Variants in STAB2 observed in about 807,000 individuals in gnomAD.
The protein encoded by STAB2 is stabilin-2.
A neutral mutation model predicts 338.1 loss-of-function variants in STAB2; 288 were observed. The ratio of observed to expected loss-of-function variants is 0.85; its 90% CI spans 0.77 to 0.94. The LOEUF is 0.94. STAB2 is among the 40% of genes least tolerant of loss of function. STAB2 has a pLI of 0.00. For synonymous variants in STAB2, 1,202 were observed against 1,193.3 expected (o/e 1.01, Z -0.15); for missense variants, 3,141 against 3,210.1 (o/e 0.98, Z 0.52).
At chr12:103,740,541 C>A (rs1467461149) in intron 54 of STAB2, 89 bp from the exon 55 acceptor site, 10 of 1,520,054 alleles carry the variant, frequency 6.6e-6, no homozygotes, top group Non-Finnish European at 8.7e-6. Context: ...TGGGCAGTAC[C>A]TAAGACCTCC....
intron 59 of STAB2, 58 bp downstream of exon 59, chr12:103,749,214 T>C: frequency 6.6e-7 from 1 of 1,516,486 alleles, no homozygotes; most frequent in Non-Finnish European, 8.9e-7. Context: ...CGCTCCTCCT[T>C]GCCTTTCCAC....
rs113828146 is a variant in STAB2, at chr12:103,711,740, G to A, written c.4334+224G>A. Among the ~76,000 whole-genome samples, 236 of 152,280 alleles carry A rather than the reference G, an allele frequency of 1.5e-3. 1 individual carries two copies. Among genetic ancestry groups the A allele is most frequent in the African/African-American group, 4.9e-3 (204 of 41,542 alleles). ...CATCTGACTTACCTGGCACATTGACGAAAATGCCCACTGTTACCCCAGTCC... is the reference window on the plus strand; with the variant it reads ...CATCTGACTTACCTGGCACATTGACAAAAATGCCCACTGTTACCCCAGTCC... On this transcript the variant is annotated intron_variant, in intron 40 of 68. Transcript: ENST00000388887.
intron 5 of STAB2, 103 bp from the exon 6 acceptor site, chr12:103,631,495 A>G (rs1186865987): frequency 1.7e-6 from 2 of 1,155,920 alleles, no homozygotes; most frequent in East Asian, 4.7e-5. Flanking sequence ...AGTTCAAACA[A>G]CATGCAGAGT....
chr12:103,743,025 T>TTG (rs1250606532), intron 56 of STAB2, among the ~76,000 whole-genome samples: 1 of 147,942 alleles, frequency 6.8e-6, no homozygotes, highest in South Asian at 2.1e-4. Flanking sequence ...TTTTTTTTCT[T>TTG]TTTTTTTTTT....
Position 103,622,083 on chromosome 12 carries a change from C to A in STAB2, c.459C>A (p.Asp153Glu). 1 of 1,614,216 alleles carries A rather than the reference C, an allele frequency of 6.2e-7. No individual in the cohort carries two copies. The highest frequency in any genetic ancestry group is 8.5e-7 in the Non-Finnish European group (1 of 1,180,042). The change falls in exon 5 of 69, where the codon GAC becomes GAA. Residue 153 changes from aspartate to glutamate, a missense_variant. Asp to Glu is a conservative substitution (Grantham distance 45, BLOSUM62 2). Coordinates refer to ENST00000388887, the MANE Select transcript of STAB2 (RefSeq NM_017564.10). ...CAGCCTGTGAAACCTGTGCTGACGA[C>A]AACTTATTTGGACCCAGCTGTTCAT... ...GGTACETCAD[D>E]NLFGPSCSSV...
rs554299340 is a variant in STAB2 at position 103,666,491 on chromosome 12, A to G, written c.2085+138A>G. 1.7e-4 allele frequency: 139 copies of G among 831,740 alleles called. 2 individuals are homozygous for G. In the Middle Eastern group the frequency reaches 2.5e-3, roughly 15 times the overall value. 51.5% of individuals were successfully genotyped at this position (831,740 alleles called of 1,614,324 possible). A position where few individuals can be genotyped will look rare whatever the true frequency, so the allele number is the denominator to read the frequency against. On this transcript the variant is annotated intron_variant, in intron 19 of 68. Transcript: ENST00000388887. ...ATAAGATGGGCTCGTAGCCTACTAT[A>G]TGGGGGATGGTAGAAAGCGATCCCA...
At chr12:103,709,083 G>A (rs1348489567) in intron 39 of STAB2, among the ~76,000 whole-genome samples, 3 of 152,132 alleles carry the variant, frequency 2.0e-5, no homozygotes, top group African/African-American at 7.2e-5. Context: ...GTTGTCCTCC[G>A]GAGGAAATAG....
Position 103,705,638 on chromosome 12 carries a change from G to A in STAB2, c.3907G>A (p.Glu1303Lys), listed in dbSNP as rs771017400. Residue 1303 changes from glutamate to lysine, a missense_variant, in exon 37 of 69, where the codon GAG (glutamate) becomes AAG (lysine). Glu to Lys is a moderately conservative substitution (Grantham distance 56, BLOSUM62 1). Transcript: ENST00000388887. ...AGTCATTAATATTTCACAGGGTAAT[G>A]AGAAGAGGAGATGCATCTATACCTC... ...CPFGTKSLGN[E>K]KRRCIYTSYF... is the part of the protein sequence containing the mutation. 1 of 1,614,078 alleles carries A rather than the reference G, an allele frequency of 6.2e-7. No homozygotes were observed. Among genetic ancestry groups the A allele is most frequent in the Admixed American group, 1.7e-5 (1 of 60,026 alleles).
chr12:103,692,888 A>G lies in STAB2; in HGVS notation c.3374A>G (p.Lys1125Arg). The change falls in exon 31 of 69, where the codon AAG becomes AGG. Residue 1125 changes from lysine to arginine, a missense_variant and splice_region_variant. By Grantham distance (26) the Lys-to-Arg change is conservative. Coordinates refer to ENST00000388887, the MANE Select transcript of STAB2 (RefSeq NM_017564.10). ...ATNGVIHIIN[K>R]VLVPQRRLTG... is the part of the protein sequence containing the mutation. The stretch of plus-strand genomic sequence containing the variant: ...AATGGAGTGATACACATCATCAACA[A>G]GGTACAAGATTCCATTCTCCTGTGC... 1 of 1,612,532 alleles carries G rather than the reference A, an allele frequency of 6.2e-7. No homozygotes were observed.
At position 103,737,084 on chromosome 12, in the gene STAB2, C is replaced by A. The variant is rs11111740; in HGVS notation, c.5551-550C>A. On this transcript the variant is annotated intron_variant, in intron 52 of 68. Coordinates refer to ENST00000388887, the MANE Select transcript of STAB2 (RefSeq NM_017564.10). ...AAAGAAAGCCAAACCGGGCACTTTG[C>A]TAGGTGCTGGCACTAAATAAGGAGA... Among the ~76,000 whole-genome samples, 1,154 of 152,310 alleles carry A rather than the reference C, an allele frequency of 7.6e-3. 16 individuals carry two copies. The highest frequency in any genetic ancestry group is 0.026 in the African/African-American group (1,083 of 41,554).
Position 103,652,600 on chromosome 12 carries a change from G to A in STAB2, c.1302G>A (p.Val434=). 6.2e-7 allele frequency: 1 copy of A among 1,608,270 alleles called. No individual in the cohort carries two copies. The change falls in exon 12 of 69, where the codon GTG becomes GTA. Residue 434 remains valine (V), a synonymous_variant. Transcript: ENST00000388887. ...LVDNKAAQYF[V]KLHIIAGQMN... is the part of the protein sequence containing the mutation. The stretch of plus-strand genomic sequence containing the variant: ...ATAATAAAGCTGCTCAATACTTTGT[G>A]AAACTCCACATAATTGCTGGTCAGA...
At chr12:103,760,556 C>T (rs1884461727) in intron 65 of STAB2, among the ~76,000 whole-genome samples, 1 of 152,134 alleles carries the variant, frequency 6.6e-6, no homozygotes, top group South Asian at 2.1e-4. Flanking sequence ...CTACCATGCC[C>T]AGCCCAAAAT....
intron 5 of STAB2, among the ~76,000 whole-genome samples, chr12:103,622,349 A>C (rs11830881): frequency 0.015 from 536 of 36,572 alleles, 2 homozygotes; most frequent in African/African-American, 0.053. Context: ...ATTTATAGAC[A>C]AAAAAAGGGA....
chr12:103,758,155 CCTT>C lies in STAB2; in HGVS notation c.6988-9_6988-7del, dbSNP rs1884273748. Reference sequence around the variant, plus strand: ...CCAGGGCTGGCCCCTCTGATGACTTCCTTCTTCTCCCCAGGAAGTGCTGGCCTA... The same window carrying C: ...CCAGGGCTGGCCCCTCTGATGACTTCCTTCTCCCCAGGAAGTGCTGGCCTA... On this transcript the variant is annotated splice_polypyrimidine_tract_variant and intron_variant, in intron 63 of 68. Coordinates refer to ENST00000388887, the MANE Select transcript of STAB2 (RefSeq NM_017564.10). 1 of 1,613,930 alleles carries C rather than the reference CCTT, an allele frequency of 6.2e-7. No individual in the cohort carries two copies. The highest frequency in any genetic ancestry group is 2.2e-5 in the East Asian group (1 of 44,876).
At chr12:103,620,592 C>T (rs746134329) in intron 4 of STAB2, 39 bp downstream of exon 4, 29 of 1,516,032 alleles carry the variant, frequency 1.9e-5, no homozygotes, top group African/African-American at 2.8e-5. Context: ...CTGGTTTCTG[C>T]TCCCCATCTT....
chr12:103,674,932 G>A (rs1451415000), intron 23 of STAB2, among the ~76,000 whole-genome samples: 4 of 152,156 alleles, frequency 2.6e-5, no homozygotes, highest in Non-Finnish European at 5.9e-5. Flanking sequence ...CTATATCGGT[G>A]CATAAGGCAA....
chr12:103,666,270 A>C (rs1875089746), intron 18 of STAB2, 21 bp from the exon 19 acceptor site: 1 of 1,612,892 alleles, frequency 6.2e-7, no homozygotes, highest in South Asian at 1.1e-5. Context: ...ACCTGCACTG[A>C]CCTCCTGTCT....
chr12:103,606,217 G>A (rs1302899264), intron 3 of STAB2, among the ~76,000 whole-genome samples: 1 of 151,962 alleles, frequency 6.6e-6, no homozygotes, highest in Non-Finnish European at 1.5e-5. Flanking sequence ...ACATTTAACT[G>A]ATATTACACC....
intron 3 of STAB2, among the ~76,000 whole-genome samples, chr12:103,599,832 C>A (rs951750272): frequency 6.6e-6 from 1 of 152,150 alleles, no homozygotes; most frequent in African/African-American, 2.4e-5. Context: ...TGTTGGTTAG[C>A]ATTTCTGTCT....
Sources: gnomAD v4.1 joint callset for allele counts (sites outside exome capture counted in the v4.1 genomes callset) on GRCh38, gnomAD v4.1.1 for gene constraint, MANE v1.5 for transcripts, NCBI Gene and HGNC (gene_info 2026-07-23, HGNC 2026-07-21) for gene names.